The following CFAP74 variants were observed in gnomAD, a reference collection of about 807,000 sequenced individuals.
The protein encoded by CFAP74 is cilia and flagella associated protein 74, also known as cilia- and flagella-associated protein 74.
Under a neutral mutation model 188.9 loss-of-function variants are expected in CFAP74, and 124 were observed. That is an observed-to-expected ratio of 0.66 (90% confidence interval 0.57 to 0.76). The LOEUF is 0.76. CFAP74 is among the 30% of genes least tolerant of loss of function. The pLI, the probability that CFAP74 is intolerant of heterozygous loss-of-function variation, is 0.00. For missense variants in CFAP74, 2,198 were observed against 2,165.2 expected, an observed-to-expected ratio of 1.02 and a Z score of -0.30; for synonymous variants, 956 against 916.7, an observed-to-expected ratio of 1.04 and a Z score of -0.77.
chr1:1,965,491 C>T (rs1415516399), intron 12 of CFAP74, among the ~76,000 whole-genome samples: 11 of 152,290 alleles, frequency 7.2e-5, no homozygotes, highest in Admixed American at 5.2e-4. Context: ...GATGAAAAGC[C>T]GCTTCCCTGG....
At chr1:1,927,935 G>A in intron 27 of CFAP74, 189 bp from the exon 28 acceptor site, 1 of 611,988 alleles carries the variant, frequency 1.6e-6, no homozygotes, top group South Asian at 2.0e-5. Context: ...GACCCCCACA[G>A]AGCTGCTCAC....
At chr1:1,978,884 C>T (rs1337344887) in intron 6 of CFAP74, among the ~76,000 whole-genome samples, 4 of 152,272 alleles carry the variant, frequency 2.6e-5, no homozygotes, top group African/African-American at 9.6e-5. Flanking sequence ...GCGGGGTGCA[C>T]ACAAAGCCTC....
At chr1:1,988,781 C>A (rs1430336347) in intron 3 of CFAP74, 108 bp downstream of exon 3, 15 of 1,285,834 alleles carry the variant, frequency 1.2e-5, no homozygotes, top group Non-Finnish European at 1.5e-5. Flanking sequence ...GGAGCTACAG[C>A]CTGTGGGAGG....
chr1:1,925,888 G>GCTC lies in CFAP74; in HGVS notation c.3998_3999insGAG (p.Thr1333_Leu1334insSer), dbSNP rs1279289271. ...TGGACGCCACGCCAGTGCCCATGAG[G>GCTC]GTGAGGGTGAGCGTGCCTCTCTTGG... On this transcript the variant is annotated inframe_insertion, in exon 33 of 39. Transcript: ENST00000682832. 6.2e-7 allele frequency: 1 copy of GCTC among 1,612,634 alleles called. No individual in the cohort carries two copies. The highest frequency in any genetic ancestry group is 1.3e-5 in the African/African-American group (1 of 75,052).
intron 1 of CFAP74, among the ~76,000 whole-genome samples, chr1:1,997,439 AAATAAAAGGC>A (rs1329578254): frequency 6.6e-6 from 1 of 151,902 alleles, no homozygotes; most frequent in Admixed American, 6.6e-5. Context: ...AAAAAAAAGG[AAATAAAAGGC>A]ATAAGGAATG....
rs1655900928 is a variant in CFAP74 at position 1,970,769 on chromosome 1, C to T, written c.936G>A (p.Leu312=). 3 of 1,614,190 alleles carry T rather than the reference C, an allele frequency of 1.9e-6. No individual in the cohort carries two copies. Among genetic ancestry groups the T allele is most frequent in the East Asian group, 2.2e-5 (1 of 44,886 alleles). ...FQAWDRAKAE[L]AEQRVQAEKK... ...TCTCAGCCTGGACCCTCTGCTCCGC[C>T]AGCTCTGCCTTGGCACGGTCCCATG... Residue 312 remains leucine (L), a synonymous_variant, in exon 10 of 39, where the codon CTG becomes CTA. Coordinates refer to ENST00000682832, the MANE Select transcript of CFAP74 (RefSeq NM_001304360.2).
intron 2 of CFAP74, among the ~76,000 whole-genome samples, chr1:1,989,195 G>A (rs1657431372): frequency 6.6e-6 from 1 of 152,146 alleles, no homozygotes; most frequent in Non-Finnish European, 1.5e-5. Flanking sequence ...ATCCGTCTTT[G>A]CAGACGGACA....
intron 18 of CFAP74, chr1:1,955,264 G>A (rs1310125191): frequency 7.7e-7 from 1 of 1,293,502 alleles, no homozygotes; most frequent in East Asian, 5.5e-5. Flanking sequence ...GCGGGCTGCA[G>A]GGCAGGAGGC....
At chr1:1,970,915 A>G in intron 9 of CFAP74, 99 bp from the exon 10 acceptor site, 1 of 1,282,102 alleles carries the variant, frequency 7.8e-7, no homozygotes, top group East Asian at 2.3e-5. Flanking sequence ...ATACATGCAC[A>G]CGTGCACACA....
At chr1:1,950,260 G>A (rs988539668) in intron 18 of CFAP74, among the ~76,000 whole-genome samples, 1 of 151,612 alleles carries the variant, frequency 6.6e-6, no homozygotes, top group Non-Finnish European at 1.5e-5. Flanking sequence ...TAATGATGTT[G>A]AGCGTCTTTT....
chr1:1,989,983 G>A (rs541518541), intron 2 of CFAP74, among the ~76,000 whole-genome samples: 48 of 152,114 alleles, frequency 3.2e-4, no homozygotes, highest in Non-Finnish European at 5.3e-4. Context: ...GGACAGTGGC[G>A]TTTTCCAGAG....
Position 1,942,842 on chromosome 1 carries a change from A to C in CFAP74, c.2487-686T>G, listed in dbSNP as rs1653479314. ...CCGCCACAGCTGCCCCGGGCAATCC[A>C]CGAGGGGGGACCCAGAGGGTGTGGC... On this transcript the variant is annotated intron_variant, in intron 21 of 38. Transcript: ENST00000682832. The surrounding 1 kb of genome is among the most constrained non-coding windows in gnomAD (Gnocchi z 4.3). Among the ~76,000 whole-genome samples, 1 of 152,050 alleles carries C rather than the reference A, an allele frequency of 6.6e-6. No individual in the cohort carries two copies. Among genetic ancestry groups the C allele is most frequent in the Non-Finnish European group, 1.5e-5 (1 of 67,998 alleles).
intron 20 of CFAP74, among the ~76,000 whole-genome samples, chr1:1,945,188 T>A (rs1570879413): frequency 6.6e-6 from 1 of 151,908 alleles, no homozygotes; most frequent in Admixed American, 6.6e-5. Context: ...GTGCCTGTGG[T>A]CCCAGCTACG....
At position 1,970,882 on chromosome 1, in the gene CFAP74, T is replaced by A. The variant is rs150286901; in HGVS notation, c.889-66A>T. On this transcript the variant is annotated intron_variant, in intron 9 of 38. Coordinates refer to ENST00000682832, the MANE Select transcript of CFAP74 (RefSeq NM_001304360.2). Reference sequence around the variant, plus strand: ...ACGGGCACATGCACACGCTCACACCTGCACATGTGCACACACAGGTTCATA... The same window carrying A: ...ACGGGCACATGCACACGCTCACACCAGCACATGTGCACACACAGGTTCATA... The A allele has an allele frequency of 1.9e-3, 2,929 of 1,574,942 alleles. 52 individuals carry two copies. The African/African-American group carries it at 0.035, about 19-fold the overall frequency.
chr1:1,976,265 A>G (rs1214906839), intron 6 of CFAP74, among the ~76,000 whole-genome samples: 1 of 152,130 alleles, frequency 6.6e-6, no homozygotes, highest in South Asian at 2.1e-4. Context: ...CCAGTGTTGG[A>G]GGTGGGCCTG....
intron 1 of CFAP74, among the ~76,000 whole-genome samples, chr1:1,992,892 G>T (rs554260583): frequency 6.6e-6 from 1 of 151,880 alleles, no homozygotes; most frequent in African/African-American, 2.4e-5. Flanking sequence ...CCAGATGTTG[G>T]AACTAAATAA....
Position 1,988,966 on chromosome 1 carries a change from A to T in CFAP74, c.75T>A (p.Asp25Glu). Residue 25 changes from aspartate (D) to glutamate (E), a missense_variant, in exon 3 of 39, where the codon GAT becomes GAA. Asp to Glu is a conservative substitution (Grantham distance 45). Transcript: ENST00000682832. ...ADALLLEDERDELEDPEFDIK... is the reference protein window; with the variant it reads ...ADALLLEDEREELEDPEFDIK... The stretch of plus-strand genomic sequence containing the variant: ...TGTCAAACTCCGGATCCTCTAATTC[A>T]TCTCTTTCTAGAAATCAAGGCAAGA... The T allele has an allele frequency of 6.6e-7, 1 of 1,516,600 alleles. No individual in the cohort carries two copies. The highest frequency in any genetic ancestry group is 2.3e-5 in the East Asian group (1 of 43,432). 93.9% of individuals were successfully genotyped at this position (1,516,600 alleles called of 1,614,324 possible). A position where few individuals can be genotyped will look rare whatever the true frequency, so the allele number is the denominator to read the frequency against.
intron 6 of CFAP74, among the ~76,000 whole-genome samples, chr1:1,980,638 G>C (rs1349584187): frequency 6.6e-6 from 1 of 152,244 alleles, no homozygotes; most frequent in East Asian, 1.9e-4. Flanking sequence ...TGAGTCCACA[G>C]ACGCTTCTGC....
intron 6 of CFAP74, 116 bp from the exon 7 acceptor site, chr1:1,974,314 T>G: frequency 2.0e-6 from 2 of 1,008,274 alleles, no homozygotes; most frequent in Non-Finnish European, 2.8e-6. Flanking sequence ...CCAGATGGGT[T>G]AGCTCCCTCC....
Sources: allele counts gnomAD v4.1 joint callset (sites outside exome capture counted in the v4.1 genomes callset), GRCh38; gene constraint gnomAD v4.1.1; non-coding constraint Gnocchi (gnomAD v3.1); transcripts MANE v1.5; gene names NCBI Gene and HGNC (gene_info 2026-07-23, HGNC 2026-07-21).